The following DSCAML1 variants were observed in gnomAD, a reference collection of about 807,000 sequenced individuals.
DSCAML1 encodes DS cell adhesion molecule like 1.
Under a neutral mutation model 200.5 loss-of-function variants are expected in DSCAML1, and 38 were observed. That is an observed-to-expected ratio of 0.19 (90% confidence interval 0.15 to 0.25). The LOEUF is 0.25. Ranked by LOEUF, DSCAML1 falls within the 10% of genes least tolerant of loss-of-function variation. The probability of loss-of-function intolerance (pLI) is 1.00; values close to 1 mark genes in which losing one functional copy is unlikely to be tolerated. For missense variants in DSCAML1, 2,223 were observed against 2,858.8 expected (o/e 0.78, Z 5.07); for synonymous variants, 1,215 against 1,165.0 (o/e 1.04, Z -0.87).
intron 3 of DSCAML1, among the ~76,000 whole-genome samples, chr11:117,588,656 C>T (rs1265164664): frequency 6.6e-6 from 1 of 152,188 alleles, no homozygotes; most frequent in Non-Finnish European, 1.5e-5. Flanking sequence ...AGTGTGCTGT[C>T]ATCAGGGACT....
intron 22 of DSCAML1, 151 bp from the exon 23 acceptor site, chr11:117,439,580 G>T: frequency 8.9e-7 from 1 of 1,122,172 alleles, no homozygotes; most frequent in East Asian, 2.5e-5. Context: ...CACTCCCTGG[G>T]GGTATGAGGT....
chr11:117,656,102 G>A (rs1178159883), intron 3 of DSCAML1, among the ~76,000 whole-genome samples: 2 of 152,210 alleles, frequency 1.3e-5, no homozygotes, highest in Non-Finnish European at 2.9e-5. Context: ...GCTGGGCGTG[G>A]TGGCGTACGC....
chr11:117,585,838 G>C lies in DSCAML1; in HGVS notation c.512-53316C>G, dbSNP rs149472631. Among the ~76,000 whole-genome samples, 32 of 152,258 alleles carry C rather than the reference G, an allele frequency of 2.1e-4. No homozygotes were observed. In the East Asian group the frequency reaches 5.2e-3, roughly 25 times the overall value. On this transcript the variant is annotated intron_variant, in intron 3 of 32. Coordinates refer to ENST00000651296, the MANE Select transcript of DSCAML1 (RefSeq NM_020693.4). ...CTGAAATGTCGTGGAGAACTTCTTG[G>C]CCATTTTCCTGTCAGAATGAATCGC...
chr11:117,456,864 G>A (rs555248358), intron 19 of DSCAML1, among the ~76,000 whole-genome samples: 2 of 151,876 alleles, frequency 1.3e-5, no homozygotes, highest in African/African-American at 2.4e-5. Context: ...TAGTAATGAC[G>A]GGGTTTCCCC....
chr11:117,497,142 C>G (rs1425350040), intron 11 of DSCAML1, among the ~76,000 whole-genome samples: 1 of 152,142 alleles, frequency 6.6e-6, no homozygotes, highest in East Asian at 1.9e-4. Context: ...TTGTTGAGCT[C>G]TAGTCATGCC....
chr11:117,739,690 C>T (rs555936297), intron 3 of DSCAML1, among the ~76,000 whole-genome samples: 1 of 152,252 alleles, frequency 6.6e-6, no homozygotes, highest in African/African-American at 2.4e-5. Context: ...GGCAACAGTG[C>T]CCCTGAAGAT....
In DSCAML1 at chr11:117,655,921, C is replaced by T. The variant is rs887618551; in HGVS notation, c.511+120870G>A. On this transcript the variant is annotated intron_variant, in intron 3 of 32. Transcript: ENST00000651296. ...AGCTGGGAGTGTGCAGCGTGAGGGA[C>T]GAGGGGAGGTGAAGGCTCATATTCT... Among the ~76,000 whole-genome samples, 5 of 151,972 alleles carry T rather than the reference C, an allele frequency of 3.3e-5. No homozygotes were observed. In the South Asian group the frequency reaches 6.2e-4, roughly 19 times the overall value.
At position 117,617,619 on chromosome 11, in the gene DSCAML1, G is replaced by A. The variant is rs1368212575; in HGVS notation, c.512-85097C>T. Among the ~76,000 whole-genome samples the A allele has an allele frequency of 2.0e-5, 3 of 151,210 alleles. No individual in the cohort carries two copies. In the East Asian group the frequency reaches 5.8e-4, roughly 29 times the overall value. On this transcript the variant is annotated intron_variant, in intron 3 of 32. Coordinates refer to ENST00000651296, the MANE Select transcript of DSCAML1 (RefSeq NM_020693.4). ...TGCTCCACAAACATTGGCGCATTAA[G>A]CCATTTAGGAAAAAAACAACAACCC...
chr11:117,482,701 C>G (rs1283962027), intron 11 of DSCAML1, among the ~76,000 whole-genome samples: 3 of 152,258 alleles, frequency 2.0e-5, no homozygotes, highest in African/African-American at 7.2e-5. Flanking sequence ...AGTCACGGGG[C>G]TGCTATTGCT....
At chr11:117,718,682 C>CTG (rs2053997833) in intron 3 of DSCAML1, among the ~76,000 whole-genome samples, 1 of 106,370 alleles carries the variant, frequency 9.4e-6, no homozygotes, top group African/African-American at 3.4e-5. Context: ...CCCCCCCCCC[C>CTG]CATCATATGA....
chr11:117,516,457 G>A lies in DSCAML1; in HGVS notation c.1783+10C>T. The A allele has an allele frequency of 6.2e-7, 1 of 1,607,780 alleles. No homozygotes were observed. Among genetic ancestry groups the A allele is most frequent in the South Asian group, 1.1e-5 (1 of 90,564 alleles). ...GCGGGCAGGGGCCCTGGCTGGTGAG[G>A]GAGGCCTACCTTTGACGGCTACGTG... On this transcript the variant is annotated intron_variant, in intron 8 of 32. Coordinates refer to ENST00000651296, the MANE Select transcript of DSCAML1 (RefSeq NM_020693.4). The surrounding 1 kb of genome is among the most constrained non-coding windows in gnomAD (Gnocchi z 5.7).
intron 3 of DSCAML1, among the ~76,000 whole-genome samples, chr11:117,710,282 A>T (rs572446834): frequency 6.6e-6 from 1 of 152,232 alleles, no homozygotes; most frequent in Admixed American, 6.5e-5. Context: ...ACTGTAACTC[A>T]TATTTCTCAC....
At chr11:117,770,501 C>T (rs56112767) in intron 3 of DSCAML1, among the ~76,000 whole-genome samples, 10 of 151,954 alleles carry the variant, frequency 6.6e-5, no homozygotes, top group Non-Finnish European at 1.5e-5. Context: ...CGATTTGCCA[C>T]GGGACATTAG....
chr11:117,745,462 A>C (rs1003902434), intron 3 of DSCAML1, among the ~76,000 whole-genome samples: 1 of 152,174 alleles, frequency 6.6e-6, no homozygotes, highest in Admixed American at 6.5e-5. Context: ...GATGGGCAGC[A>C]CATAACCCTC....
intron 3 of DSCAML1, among the ~76,000 whole-genome samples, chr11:117,600,227 G>C (rs531490428): frequency 3.0e-4 from 46 of 152,294 alleles, no homozygotes; most frequent in African/African-American, 1.0e-3. Flanking sequence ...TCCTGGGGAC[G>C]GGCTGGGGCA....
chr11:117,546,740 C>T (rs999705128), intron 3 of DSCAML1, among the ~76,000 whole-genome samples: 7 of 152,084 alleles, frequency 4.6e-5, no homozygotes, highest in African/African-American at 9.7e-5. Context: ...TGCAGAGGCA[C>T]GGTGGCTAGT....
chr11:117,449,641 T>G (rs905537570), intron 20 of DSCAML1, among the ~76,000 whole-genome samples: 6 of 152,144 alleles, frequency 3.9e-5, no homozygotes, highest in African/African-American at 1.4e-4. Flanking sequence ...TTCCGTTCCT[T>G]GCTTCCAGCC....
chr11:117,518,732 C>A lies in DSCAML1; in HGVS notation c.1244G>T (p.Ser415Ile). The A allele has an allele frequency of 6.2e-7, 1 of 1,612,744 alleles. No individual in the cohort carries two copies. Among genetic ancestry groups the A allele is most frequent in the Non-Finnish European group, 8.5e-7 (1 of 1,180,010 alleles). Residue 415 changes from serine to isoleucine, a missense_variant, in exon 7 of 33, where the codon AGC (serine) becomes ATC (isoleucine). Transcript: ENST00000651296. The surrounding 1 kb of genome is among the most constrained non-coding windows in gnomAD (Gnocchi z 6.3). ...CTCCCCGGGGTTGACCACCTTCTCG[C>A]TGAAGGACGAGACGATGCGGGGCGT... ...DGTPRIVSSF[S>I]EKVVNPGEQF...
chr11:117,800,706 T>C (rs549941548), upstream of DSCAML1: 2 of 150,518 alleles, frequency 1.3e-5, no homozygotes, highest in African/African-American at 5.0e-5. Flanking sequence ...TGTGCTTTTG[T>C]TTTTGTTTTT....
Sources: allele counts gnomAD v4.1 joint callset (sites outside exome capture counted in the v4.1 genomes callset), GRCh38; gene constraint gnomAD v4.1.1; non-coding constraint Gnocchi (gnomAD v3.1); transcripts MANE v1.5; gene names NCBI Gene and HGNC (gene_info 2026-07-23, HGNC 2026-07-21).